TRAK1: variants seen among roughly 807,000 people sequenced by gnomAD.
TRAK1 encodes trafficking kinesin-binding protein 1.
TRAK1 carries 33 observed loss-of-function variants against 92.1 expected under a neutral mutation model. The ratio of observed to expected loss-of-function variants is 0.36; its 90% CI spans 0.27 to 0.48. The LOEUF (loss-of-function observed/expected upper bound fraction) is 0.48, where lower values mean the gene tolerates loss of function less well. Among genes scored for constraint, TRAK1 ranks in the 20% least tolerant of loss-of-function variants. The probability of loss-of-function intolerance (pLI) is 0.99; values close to 1 mark genes in which losing one functional copy is unlikely to be tolerated. For missense variants in TRAK1, 1,123 were observed against 1,257.9 expected, an observed-to-expected ratio of 0.89 and a Z score of 1.62; for synonymous variants, 521 against 517.3, an observed-to-expected ratio of 1.01 and a Z score of -0.10.
At chr3:42,032,705 T>G (rs916540715) in intron 1 of TRAK1, among the ~76,000 whole-genome samples, 1 of 152,174 alleles carries the variant, frequency 6.6e-6, no homozygotes, top group Non-Finnish European at 1.5e-5. Context: ...TGTAACCCCA[T>G]AAAACAAGTG....
intron 14 of TRAK1, 147 bp from the exon 15 acceptor site, chr3:42,219,347 G>A (rs905096179): frequency 1.3e-6 from 2 of 1,537,676 alleles, no homozygotes; most frequent in African/African-American, 2.7e-5. Flanking sequence ...CTTCAATCCA[G>A]AACATTTGCG....
chr3:42,122,007 A>G (rs887448487), intron 1 of TRAK1, among the ~76,000 whole-genome samples: 3 of 152,008 alleles, frequency 2.0e-5, no homozygotes, highest in Admixed American at 6.6e-5. Flanking sequence ...TAGTGGAGAC[A>G]GGGTTTCACC....
intron 1 of TRAK1, among the ~76,000 whole-genome samples, chr3:42,121,351 C>T (rs752618774): frequency 9.2e-5 from 14 of 151,838 alleles, no homozygotes; most frequent in African/African-American, 3.1e-4. Context: ...GCTCCGCCTC[C>T]GGGGTTCACA....
chr3:42,179,418 C>A (rs146581297), intron 3 of TRAK1, among the ~76,000 whole-genome samples: 1 of 152,324 alleles, frequency 6.6e-6, no homozygotes, highest in East Asian at 1.9e-4. Context: ...CTTCCACCAG[C>A]GTGGAGAGTT....
intron 1 of TRAK1, among the ~76,000 whole-genome samples, chr3:42,108,767 A>G (rs751610389): frequency 2.0e-5 from 3 of 152,158 alleles, no homozygotes; most frequent in Non-Finnish European, 4.4e-5. Flanking sequence ...TGAAACCTCC[A>G]GAAGTTGAAC....
chr3:42,118,046 C>G (rs780753875), intron 1 of TRAK1, among the ~76,000 whole-genome samples: 1 of 151,930 alleles, frequency 6.6e-6, no homozygotes, highest in Non-Finnish European at 1.5e-5. Context: ...TCTCGATGTC[C>G]TGACCTTGTG....
chr3:42,219,626 G>C (rs1255357000), intron 15 of TRAK1, 30 bp downstream of exon 15: 2 of 1,593,306 alleles, frequency 1.3e-6, no homozygotes, highest in Admixed American at 1.7e-5. Flanking sequence ...GGGTGGGCAG[G>C]GGTGGGGTGA....
intron 2 of TRAK1, among the ~76,000 whole-genome samples, chr3:42,135,972 G>T (rs1364128952): frequency 6.6e-6 from 1 of 152,166 alleles, no homozygotes; most frequent in Non-Finnish European, 1.5e-5. Context: ...ACTCGGGGTG[G>T]ACATGCGCCA....
At chr3:42,162,963 T>C (rs1317202691) in intron 2 of TRAK1, among the ~76,000 whole-genome samples, 2 of 152,362 alleles carry the variant, frequency 1.3e-5, no homozygotes, top group South Asian at 2.1e-4. Context: ...AATGTCATTA[T>C]GCACTTCCTA....
chr3:42,175,664 T>C (rs987054839), intron 2 of TRAK1, among the ~76,000 whole-genome samples: 3 of 152,210 alleles, frequency 2.0e-5, no homozygotes, highest in Non-Finnish European at 4.4e-5. Flanking sequence ...ACTAGGATGA[T>C]CTCTACTTGC....
chr3:42,077,621 C>T (rs913279308), intron 1 of TRAK1, among the ~76,000 whole-genome samples: 1 of 152,186 alleles, frequency 6.6e-6, no homozygotes, highest in Non-Finnish European at 1.5e-5. Flanking sequence ...TCTCTGATTT[C>T]TTTCAGCAAT....
At chr3:42,110,027 C>T (rs531959871) in intron 1 of TRAK1, among the ~76,000 whole-genome samples, 15 of 139,698 alleles carry the variant, frequency 1.1e-4, no homozygotes, top group Middle Eastern at 3.7e-3. Context: ...GTGCAGCACA[C>T]CAACATGGCA....
intron 1 of TRAK1, among the ~76,000 whole-genome samples, chr3:42,123,093 G>A (rs561853567): frequency 5.6e-4 from 85 of 152,240 alleles, no homozygotes; most frequent in African/African-American, 1.8e-3. Context: ...CAGTTAGTAC[G>A]GAATGGTAGG....
At chr3:42,126,295 G>A (rs969678584) in intron 2 of TRAK1, among the ~76,000 whole-genome samples, 1 of 152,116 alleles carries the variant, frequency 6.6e-6, no homozygotes, top group Non-Finnish European at 1.5e-5. Flanking sequence ...TCTCATTTAT[G>A]TGACATAGCA....
chr3:42,155,167 G>A (rs1700402388), intron 2 of TRAK1, among the ~76,000 whole-genome samples: 1 of 152,076 alleles, frequency 6.6e-6, no homozygotes, highest in African/African-American at 2.4e-5. Flanking sequence ...ACAAAGTATG[G>A]AGAAAAGGTG....
chr3:42,052,261 G>A (rs993893495), intron 1 of TRAK1, among the ~76,000 whole-genome samples: 9 of 152,178 alleles, frequency 5.9e-5, no homozygotes, highest in Admixed American at 1.3e-4. Context: ...AACCAGTACC[G>A]TCAGCATCAC....
At chr3:42,218,468 T>C (rs1391173855) in intron 14 of TRAK1, 1 of 984,434 alleles carries the variant, frequency 1.0e-6, no homozygotes, top group African/African-American at 1.8e-5. Flanking sequence ...GGTGGGAGAA[T>C]CATCCCGGCA....
intron 2 of TRAK1, 134 bp downstream of exon 2, chr3:42,125,748 C>T (rs571883426): frequency 1.0e-4 from 100 of 992,990 alleles, no homozygotes; most frequent in Non-Finnish European, 7.3e-5. Context: ...CAAAGAAATG[C>T]GGCTGTAGGG....
rs568205867 is a variant in TRAK1 at position 42,175,003 on chromosome 3, A to G, written c.287-1811A>G. On this transcript the variant is annotated intron_variant, in intron 2 of 15. Transcript: ENST00000327628. ...CTCTAAATAATATAGTGTTAGAGAA[A>G]TAGCAGCTCTGAATCTTCTTGTACA... is the stretch of plus-strand genomic sequence containing the variant. Among the ~76,000 whole-genome samples the G allele has an allele frequency of 2.0e-5, 3 of 152,270 alleles. No individual in the cohort carries two copies. In the East Asian group the frequency reaches 5.8e-4, roughly 29 times the overall value.
Sources: allele counts gnomAD v4.1 joint callset (sites outside exome capture counted in the v4.1 genomes callset), GRCh38; gene constraint gnomAD v4.1.1; transcripts MANE v1.5; gene names NCBI Gene and HGNC (gene_info 2026-07-23, HGNC 2026-07-21).